Variants in NPTN observed in about 807,000 individuals in gnomAD.
NPTN encodes neuroplastin.
Under a neutral mutation model 42.7 loss-of-function variants are expected in NPTN, and 5 were observed. The ratio of observed to expected loss-of-function variants is 0.12; its 90% CI spans 0.06 to 0.25. NPTN has a LOEUF of 0.25. NPTN is among the 10% of genes least tolerant of loss of function. The pLI is 1.00. For synonymous variants in NPTN, 180 were observed against 201.9 expected, an observed-to-expected ratio of 0.89 and a Z score of 0.92; for missense variants, 307 against 525.4, an observed-to-expected ratio of 0.58 and a Z score of 4.06.
chr15:73,580,553 T>TA (rs1175485302), intron 4 of NPTN, among the ~76,000 whole-genome samples: 1 of 142,624 alleles, frequency 7.0e-6, no homozygotes, highest in Non-Finnish European at 1.5e-5. Context: ...TATATATGTA[T>TA]ATATGTATAT....
At chr15:73,565,883 A>C in intron 6 of NPTN, 1 of 446,164 alleles carries the variant, frequency 2.2e-6, no homozygotes, top group Non-Finnish European at 4.5e-6. Flanking sequence ...GGTGCTCTGC[A>C]ATGTCTAGTA....
intron 4 of NPTN, among the ~76,000 whole-genome samples, chr15:73,582,400 G>A (rs569069901): frequency 1.3e-5 from 2 of 152,338 alleles, no homozygotes; most frequent in South Asian, 4.1e-4. Context: ...GAAGGAATAT[G>A]AGATCAGTCA....
chr15:73,625,979 T>A (rs971696655), intron 1 of NPTN, among the ~76,000 whole-genome samples: 1 of 152,196 alleles, frequency 6.6e-6, no homozygotes, highest in African/African-American at 2.4e-5. Context: ...GGAATAACAA[T>A]CAAGGAACTT....
In NPTN at chr15:73,569,550, A is replaced by C. The variant is rs912912117; in HGVS notation, c.1114+600T>G. 2 of 985,474 alleles carry C rather than the reference A, an allele frequency of 2.0e-6. No homozygotes were observed. Among genetic ancestry groups the C allele is most frequent in the Non-Finnish European group, 2.4e-6 (2 of 829,940 alleles). 61.0% of individuals were successfully genotyped at this position (985,474 alleles called of 1,614,324 possible). On this transcript the variant is annotated intron_variant, in intron 6 of 8. Transcript: ENST00000345330. The surrounding 1 kb of genome is among the most constrained non-coding windows in gnomAD (Gnocchi z 4.1). Reference sequence around the variant, plus strand: ...ACTCTCCTTTGTCTGTGAGACACAGATGGAAAGCCACCCAGCAGAGAGCGC... The same window carrying C: ...ACTCTCCTTTGTCTGTGAGACACAGCTGGAAAGCCACCCAGCAGAGAGCGC...
Position 73,560,099 on chromosome 15 carries a change from C to G in NPTN, c.*964G>C. ...CACTTCAATAATTACACAAAACACA[C>G]AAGTACATGCATCTACAATTACGCA... On this transcript the variant is annotated 3_prime_UTR_variant, in exon 9 of 9. Coordinates refer to ENST00000345330, the MANE Select transcript of NPTN (RefSeq NM_012428.4). The G allele has an allele frequency of 2.0e-6, 1 of 512,344 alleles. No homozygotes were observed. The highest frequency in any genetic ancestry group is 3.7e-5 in the East Asian group (1 of 27,326). The allele number at this position is 512,344 out of a possible 1,614,324, so 31.7% of individuals were successfully genotyped here.
At chr15:73,574,967 C>T (rs1028769059) in intron 4 of NPTN, among the ~76,000 whole-genome samples, 3 of 152,006 alleles carry the variant, frequency 2.0e-5, no homozygotes, top group Non-Finnish European at 4.4e-5. Flanking sequence ...CTATATTACC[C>T]GCCAATGCTT....
intron 4 of NPTN, among the ~76,000 whole-genome samples, chr15:73,575,340 C>CG (rs1398417020): frequency 1.3e-5 from 2 of 152,242 alleles, no homozygotes; most frequent in African/African-American, 4.8e-5. Context: ...CGGTCTCGAA[C>CG]TGCTAACCTC....
rs748207661 is a variant in NPTN at position 73,570,986 on chromosome 15, A to G, written c.841-563T>C. Among the ~76,000 whole-genome samples, 1 of 152,192 alleles carries G rather than the reference A, an allele frequency of 6.6e-6. No homozygotes were observed. Among genetic ancestry groups the G allele is most frequent in the African/African-American group, 2.4e-5 (1 of 41,446 alleles). On this transcript the variant is annotated intron_variant, in intron 5 of 8. Coordinates refer to ENST00000345330, the MANE Select transcript of NPTN (RefSeq NM_012428.4). This position sits in a 1 kb window ranked among gnomAD's most constrained non-coding sequence, Gnocchi z 4.0. ...TAGAGGAAAGGTTATTCAATCAATCAACAAATATTTGTGGCTGGGCACAGA... is the reference window on the plus strand; with the variant it reads ...TAGAGGAAAGGTTATTCAATCAATCGACAAATATTTGTGGCTGGGCACAGA...
chr15:73,574,836 T>C (rs1895600257), intron 4 of NPTN, among the ~76,000 whole-genome samples: 1 of 152,216 alleles, frequency 6.6e-6, no homozygotes, highest in South Asian at 2.1e-4. Flanking sequence ...CTTCTCTATT[T>C]ATAGGGATCA....
At chr15:73,579,847 T>C (rs1384015298) in intron 4 of NPTN, among the ~76,000 whole-genome samples, 3 of 152,156 alleles carry the variant, frequency 2.0e-5, no homozygotes, top group African/African-American at 7.2e-5. Context: ...AGCTTTCAGA[T>C]GACTGCAGCT....
At chr15:73,627,893 T>G (rs1402115052) in intron 1 of NPTN, among the ~76,000 whole-genome samples, 1 of 152,188 alleles carries the variant, frequency 6.6e-6, no homozygotes, top group African/African-American at 2.4e-5. Flanking sequence ...GTAAGAAGTT[T>G]TGTTATGTAT....
chr15:73,571,468 G>A (rs1303415727), intron 5 of NPTN, among the ~76,000 whole-genome samples: 4 of 152,182 alleles, frequency 2.6e-5, no homozygotes, highest in Non-Finnish European at 5.9e-5. Context: ...CCCCAACAGA[G>A]CGTGTGTATA....
chr15:73,626,924 A>G (rs1045453242), intron 1 of NPTN, among the ~76,000 whole-genome samples: 1 of 152,148 alleles, frequency 6.6e-6, no homozygotes, highest in Non-Finnish European at 1.5e-5. Flanking sequence ...TAATAAGGCA[A>G]GAGAAGGATA....
chr15:73,607,162 C>G (rs1897330072), intron 1 of NPTN, among the ~76,000 whole-genome samples: 1 of 152,156 alleles, frequency 6.6e-6, no homozygotes, highest in South Asian at 2.1e-4. Context: ...GTGGTCTGGT[C>G]CCTACATCTA....
rs1299562024 is a variant in NPTN, at chr15:73,560,293, T to TGAATGAATGTACAAGAATAA, written c.*750_*769dup. ...AAAAATTATAAAAGTTTGCCTTGAT[T>TGAATGAATGTACAAGAATAA]GAATGAATGTACAAGAATAAGGTTC... is the stretch of plus-strand genomic sequence containing the variant. On this transcript the variant is annotated 3_prime_UTR_variant, in exon 9 of 9. Coordinates refer to ENST00000345330, the MANE Select transcript of NPTN (RefSeq NM_012428.4). 6.0e-6 allele frequency: 1 copy of TGAATGAATGTACAAGAATAA among 166,312 alleles called. No individual in the cohort carries two copies. Among genetic ancestry groups the TGAATGAATGTACAAGAATAA allele is most frequent in the Non-Finnish European group, 1.3e-5 (1 of 77,766 alleles). 10.3% of individuals were successfully genotyped at this position (166,312 alleles called of 1,614,324 possible).
chr15:73,568,699 G>C lies in NPTN; in HGVS notation c.1114+1451C>G, dbSNP rs117491479. On this transcript the variant is annotated intron_variant, in intron 6 of 8. Transcript: ENST00000345330. ...GACACTCCCAGGTTGCAGGAAACTAGAGATTCATTTGCAGAGGCCGTCTGC... is the reference window on the plus strand; with the variant it reads ...GACACTCCCAGGTTGCAGGAAACTACAGATTCATTTGCAGAGGCCGTCTGC... 917 of 985,538 alleles carry C rather than the reference G, an allele frequency of 9.3e-4. 15 individuals carry two copies. The East Asian group carries it at 0.036, about 39-fold the overall frequency. 61.0% of individuals were successfully genotyped at this position (985,538 alleles called of 1,614,324 possible).
chr15:73,619,981 G>A (rs945481936), intron 1 of NPTN, among the ~76,000 whole-genome samples: 3 of 152,224 alleles, frequency 2.0e-5, no homozygotes, highest in East Asian at 1.9e-4. Flanking sequence ...TCTAATAAGC[G>A]ACTGAGAAAA....
intron 1 of NPTN, among the ~76,000 whole-genome samples, chr15:73,631,609 T>C (rs1034643174): frequency 3.9e-5 from 6 of 152,244 alleles, no homozygotes; most frequent in Non-Finnish European, 8.8e-5. Flanking sequence ...ACTGATTTTT[T>C]AAAATTTAAA....
chr15:73,582,434 G>A (rs1344827564), intron 4 of NPTN, among the ~76,000 whole-genome samples: 1 of 152,172 alleles, frequency 6.6e-6, no homozygotes, highest in Non-Finnish European at 1.5e-5. Flanking sequence ...AAGGATGCAG[G>A]CTTTTGGCTC....
Sources: allele counts gnomAD v4.1 joint callset (sites outside exome capture counted in the v4.1 genomes callset), GRCh38; gene constraint gnomAD v4.1.1; non-coding constraint Gnocchi (gnomAD v3.1); transcripts MANE v1.5; gene names NCBI Gene and HGNC (gene_info 2026-07-23, HGNC 2026-07-21).